Variants in GRB10 observed in about 807,000 individuals in gnomAD.
GRB10 encodes the protein growth factor receptor bound protein 10.
GRB10 carries 20 observed loss-of-function variants against 80.9 expected under a neutral mutation model. The ratio of observed to expected loss-of-function variants is 0.25; its 90% CI spans 0.17 to 0.36. The LOEUF (loss-of-function observed/expected upper bound fraction) is 0.36. GRB10 is among the 10% of genes least tolerant of loss of function. The pLI is 1.00. For synonymous variants in GRB10, 291 were observed against 291.5 expected (o/e 1.00, Z 0.02); for missense variants, 548 against 747.7 (o/e 0.73, Z 3.12).
At chr7:50,769,026 C>T (rs1050161638) in intron 2 of GRB10, among the ~76,000 whole-genome samples, 1 of 152,142 alleles carries the variant, frequency 6.6e-6, no homozygotes, top group African/African-American at 2.4e-5. Flanking sequence ...GGTATGCAGG[C>T]AAATCATTCT....
rs969011347 is a variant in GRB10, at chr7:50,734,533, G to T, written c.-46-2165C>A. On this transcript the variant is annotated intron_variant, in intron 3 of 18. Coordinates refer to ENST00000401949, the MANE Select transcript of GRB10 (RefSeq NM_001350814.2). Reference sequence around the variant, plus strand: ...CCCAGCTCATCCGTGGAGACTCACTGGCCCTCACTAATATGCCTTCTGGAA... The same window carrying T: ...CCCAGCTCATCCGTGGAGACTCACTTGCCCTCACTAATATGCCTTCTGGAA... 2.6e-5 allele frequency among the ~76,000 whole-genome samples: 4 copies of T among 152,226 alleles called. 1 individual carries two copies. Among genetic ancestry groups the T allele is most frequent in the South Asian group, 4.2e-4 (2 of 4,818 alleles).
intron 4 of GRB10, among the ~76,000 whole-genome samples, chr7:50,718,125 G>A (rs780154755): frequency 2.6e-5 from 4 of 152,204 alleles, no homozygotes; most frequent in Non-Finnish European, 2.9e-5. Context: ...GGCAAGATCC[G>A]GAGGCTTGCG....
At chr7:50,711,670 A>G (rs551638675) in intron 4 of GRB10, among the ~76,000 whole-genome samples, 19 of 152,240 alleles carry the variant, frequency 1.2e-4, no homozygotes, top group African/African-American at 4.6e-4. Flanking sequence ...CCTCTCTACC[A>G]ACTGCACATA....
chr7:50,759,419 C>T (rs1368419643), intron 2 of GRB10, among the ~76,000 whole-genome samples: 2 of 152,072 alleles, frequency 1.3e-5, no homozygotes, highest in African/African-American at 2.4e-5. Context: ...CGGATCGGTT[C>T]CAGGACACCA....
intron 10 of GRB10, among the ~76,000 whole-genome samples, chr7:50,617,214 G>A (rs372759886): frequency 6.6e-6 from 1 of 152,228 alleles, no homozygotes; most frequent in Admixed American, 6.5e-5. Context: ...AAGGGCTTCT[G>A]AAGACACCAC....
At chr7:50,712,135 G>C (rs1371489836) in intron 4 of GRB10, among the ~76,000 whole-genome samples, 1 of 152,154 alleles carries the variant, frequency 6.6e-6, no homozygotes, top group Non-Finnish European at 1.5e-5. Context: ...CTTGGTAAAA[G>C]CTGCAGTATC....
intron 3 of GRB10, among the ~76,000 whole-genome samples, chr7:50,754,431 G>A (rs1468873429): frequency 6.6e-6 from 1 of 152,232 alleles, no homozygotes; most frequent in East Asian, 1.9e-4. Context: ...GCAGTGGCAG[G>A]TGGGGGAGGT....
At chr7:50,641,791 C>G (rs921720349) in intron 7 of GRB10, among the ~76,000 whole-genome samples, 3 of 152,202 alleles carry the variant, frequency 2.0e-5, no homozygotes, top group Non-Finnish European at 2.9e-5. Flanking sequence ...CGAGAGAAGG[C>G]ACTGGGACTG....
At chr7:50,708,334 G>A (rs1445697888) in intron 4 of GRB10, among the ~76,000 whole-genome samples, 1 of 152,170 alleles carries the variant, frequency 6.6e-6, no homozygotes, top group Non-Finnish European at 1.5e-5. Context: ...CTGTTGTCTT[G>A]AGAAGCCAAG....
intron 2 of GRB10, among the ~76,000 whole-genome samples, chr7:50,777,711 T>C (rs935411447): frequency 6.6e-6 from 1 of 152,096 alleles, no homozygotes; most frequent in Non-Finnish European, 1.5e-5. Flanking sequence ...GTGGTACATA[T>C]ACACCGTGGA....
At chr7:50,753,688 C>A (rs2074542127) in intron 3 of GRB10, among the ~76,000 whole-genome samples, 1 of 152,210 alleles carries the variant, frequency 6.6e-6, no homozygotes, top group Non-Finnish European at 1.5e-5. Context: ...TGGACCTGCT[C>A]TGTAAGCTGC....
At chr7:50,698,552 T>C (rs1439670983) in intron 5 of GRB10, among the ~76,000 whole-genome samples, 1 of 152,242 alleles carries the variant, frequency 6.6e-6, no homozygotes, top group African/African-American at 2.4e-5. Context: ...TGAACAGTCA[T>C]GGTTCCTGTA....
chr7:50,643,940 T>A (rs377178072), intron 7 of GRB10, among the ~76,000 whole-genome samples: 1 of 152,180 alleles, frequency 6.6e-6, no homozygotes, highest in African/African-American at 2.4e-5. Flanking sequence ...AATAAAAGTT[T>A]AAAGAAACAT....
chr7:50,626,694 A>C, intron 8 of GRB10, 128 bp downstream of exon 8: 1 of 1,020,218 alleles, frequency 9.8e-7, no homozygotes, highest in Non-Finnish European at 1.5e-6. Context: ...GTCGAGGGGA[A>C]CCCAGAGACT....
intron 3 of GRB10, among the ~76,000 whole-genome samples, chr7:50,748,097 G>C (rs530723263): frequency 6.6e-6 from 1 of 152,202 alleles, no homozygotes; most frequent in Non-Finnish European, 1.5e-5. Flanking sequence ...GATGATGCTG[G>C]TGACACTGTT....
rs985298011 is a variant in GRB10, at chr7:50,590,717, C to T, written c.*2235G>A. On this transcript the variant is annotated 3_prime_UTR_variant, in exon 19 of 19. Transcript: ENST00000401949. Reference sequence around the variant, plus strand: ...GTTCTCAGGTGGAATTCCCAGCCGCCCAGCGCGAGGCCAGCGAGCTGGGGC... The same window carrying T: ...GTTCTCAGGTGGAATTCCCAGCCGCTCAGCGCGAGGCCAGCGAGCTGGGGC... 2 of 152,646 alleles carry T rather than the reference C, an allele frequency of 1.3e-5. No homozygotes were observed. The highest frequency in any genetic ancestry group is 4.1e-4 in the South Asian group (2 of 4,834). 9.5% of individuals were successfully genotyped at this position (152,646 alleles called of 1,614,324 possible). A position where few individuals can be genotyped will look rare whatever the true frequency, so the allele number is the denominator to read the frequency against.
chr7:50,594,224 G>C (rs551704974), intron 18 of GRB10, among the ~76,000 whole-genome samples: 42 of 152,274 alleles, frequency 2.8e-4, no homozygotes, highest in African/African-American at 1.0e-3. Context: ...TGCAGGAAAA[G>C]CCACTGACAG....
intron 5 of GRB10, among the ~76,000 whole-genome samples, chr7:50,675,805 T>C (rs2060864100): frequency 7.0e-6 from 1 of 142,286 alleles, no homozygotes; most frequent in Non-Finnish European, 1.5e-5. Context: ...ACCCAGCACA[T>C]GGAGATGGGG....
rs2060722723 is a variant in GRB10 at position 50,674,613 on chromosome 7, G to T, written c.185C>A (p.Ser62Tyr). ...GCAGGCCGAGTACAGGCTCTCCAGG[G>T]ATGCATTCATATCGTTCACCAGGGC... ...LEALVNDMNASLESLYSACSM... is the reference protein window; with the variant it reads ...LEALVNDMNAYLESLYSACSM... The change falls in exon 6 of 19, where the codon TCC (serine) becomes TAC (tyrosine). Residue 62 changes from serine to tyrosine, a missense_variant. By Grantham distance (144) the Ser-to-Tyr change is moderately radical. Transcript: ENST00000401949. 1.9e-6 allele frequency: 3 copies of T among 1,613,818 alleles called. No individual in the cohort carries two copies. Among genetic ancestry groups the T allele is most frequent in the Middle Eastern group, 1.7e-4 (1 of 6,060 alleles).
Sources: allele counts gnomAD v4.1 joint callset (sites outside exome capture counted in the v4.1 genomes callset), GRCh38; gene constraint gnomAD v4.1.1; transcripts MANE v1.5; gene names NCBI Gene and HGNC (gene_info 2026-07-23, HGNC 2026-07-21).